The following UTRN variants were observed in gnomAD, a reference collection of about 807,000 sequenced individuals.
UTRN encodes dystrophin-related protein 1.
In UTRN, 283 loss-of-function variants were observed where a neutral mutation model predicts 463.9. The ratio of observed to expected loss-of-function variants is 0.61; its 90% CI spans 0.55 to 0.67. The LOEUF (loss-of-function observed/expected upper bound fraction) is 0.67. Ranked by LOEUF, UTRN falls within the 30% of genes least tolerant of loss-of-function variation. The pLI, the probability that UTRN is intolerant of heterozygous loss-of-function variation, is 0.00. For missense variants in UTRN, 3,922 were observed against 4,084.3 expected (o/e 0.96, Z 1.08); for synonymous variants, 1,442 against 1,431.5 (o/e 1.01, Z -0.17).
At chr6:144,311,843 A>G (rs992471585) in intron 2 of UTRN, 8 of 152,222 alleles carry the variant, frequency 5.3e-5, no homozygotes, top group African/African-American at 1.9e-4. Context: ...AAGCATTTTT[A>G]TCTCTAAAAT....
At chr6:144,830,221 G>A (rs1176640077) in intron 69 of UTRN, among the ~76,000 whole-genome samples, 2 of 152,036 alleles carry the variant, frequency 1.3e-5, no homozygotes, top group African/African-American at 2.4e-5. Context: ...TTCAGATTTA[G>A]CACTGTTTCA....
chr6:144,422,097 C>A, intron 4 of UTRN, 127 bp downstream of exon 4: 2 of 708,770 alleles, frequency 2.8e-6, no homozygotes, highest in Non-Finnish European at 2.1e-6. Flanking sequence ...GGCTGAAATT[C>A]GGAACATTTT....
intron 65 of UTRN, among the ~76,000 whole-genome samples, chr6:144,809,721 A>G (rs1012527024): frequency 2.0e-5 from 3 of 152,156 alleles, no homozygotes; most frequent in African/African-American, 7.2e-5. Flanking sequence ...CTGCATTTCT[A>G]GAAGTGAAGT....
intron 56 of UTRN, among the ~76,000 whole-genome samples, 186 bp from the exon 57 acceptor site, chr6:144,754,534 T>C (rs1006917613): frequency 6.7e-6 from 1 of 148,540 alleles, no homozygotes; most frequent in African/African-American, 2.4e-5. Context: ...AAGGAGTCTT[T>C]TTTTTTTTTT....
intron 39 of UTRN, among the ~76,000 whole-genome samples, chr6:144,519,086 A>G (rs907338019): frequency 3.3e-5 from 5 of 152,318 alleles, no homozygotes; most frequent in East Asian, 3.9e-4. Flanking sequence ...CCTGAAATAT[A>G]TGTTAAGTGA....
intron 2 of UTRN, among the ~76,000 whole-genome samples, chr6:144,306,908 A>G (rs967618884): frequency 1.3e-5 from 2 of 151,774 alleles, no homozygotes; most frequent in Non-Finnish European, 2.9e-5. Context: ...ATACAAAAAA[A>G]AAAAAAATTA....
rs1478750907 is a variant in UTRN at position 144,448,516 on chromosome 6, T to C, written c.1903-84T>C. The C allele has an allele frequency of 2.2e-5, 33 of 1,475,320 alleles. No homozygotes were observed. In the Admixed American group the frequency reaches 6.7e-4, roughly 30 times the overall value. 91.4% of individuals were successfully genotyped at this position (1,475,320 alleles called of 1,614,324 possible). A position where few individuals can be genotyped will look rare whatever the true frequency, so the allele number is the denominator to read the frequency against. On this transcript the variant is annotated intron_variant, in intron 16 of 74. Coordinates refer to ENST00000367545, the MANE Select transcript of UTRN (RefSeq NM_007124.3). Reference sequence around the variant, plus strand: ...GCTAATAACCATTAAATTGTGTATTTCAAAGAAAGAATTTTATAGCATGTG... The same window carrying C: ...GCTAATAACCATTAAATTGTGTATTCCAAAGAAAGAATTTTATAGCATGTG...
At chr6:144,458,077 A>G (rs1322100809) in intron 19 of UTRN, among the ~76,000 whole-genome samples, 2 of 152,196 alleles carry the variant, frequency 1.3e-5, no homozygotes, top group Non-Finnish European at 2.9e-5. Flanking sequence ...AAAATATCGG[A>G]CAAATAAAAT....
intron 58 of UTRN, among the ~76,000 whole-genome samples, chr6:144,770,019 G>A (rs75520160): frequency 0.022 from 3,381 of 152,276 alleles, 125 homozygotes; most frequent in African/African-American, 0.077. Context: ...GCAATTTGTA[G>A]TATCACTACC....
intron 51 of UTRN, among the ~76,000 whole-genome samples, chr6:144,671,098 G>A (rs1780970109): frequency 6.6e-6 from 1 of 150,538 alleles, no homozygotes; most frequent in Admixed American, 6.6e-5. Flanking sequence ...CTTTTGTTTA[G>A]TCTTGCTTTG....
At chr6:144,408,955 G>A (rs1049593334) in intron 3 of UTRN, among the ~76,000 whole-genome samples, 3 of 152,320 alleles carry the variant, frequency 2.0e-5, no homozygotes, top group South Asian at 4.1e-4. Context: ...AGCTTGAAGA[G>A]TTACACATTG....
intron 54 of UTRN, among the ~76,000 whole-genome samples, chr6:144,743,940 AAAT>A (rs1173369267): frequency 6.6e-6 from 1 of 151,078 alleles, no homozygotes; most frequent in Non-Finnish European, 1.5e-5. Flanking sequence ...TATGAATATA[AAAT>A]AATATTCATA....
chr6:144,635,425 A>G (rs1225347529), intron 51 of UTRN, among the ~76,000 whole-genome samples: 2 of 151,550 alleles, frequency 1.3e-5, no homozygotes, highest in East Asian at 3.9e-4. Flanking sequence ...TGCTAGAATT[A>G]AGGGCGTGAG....
At chr6:144,628,079 G>A (rs944011311) in intron 51 of UTRN, among the ~76,000 whole-genome samples, 3 of 152,146 alleles carry the variant, frequency 2.0e-5, no homozygotes, top group African/African-American at 4.8e-5. Context: ...GATTACAGGC[G>A]TGAGTCACCT....
chr6:144,704,196 A>T (rs565990801), intron 53 of UTRN, among the ~76,000 whole-genome samples: 1 of 152,228 alleles, frequency 6.6e-6, no homozygotes, highest in East Asian at 1.9e-4. Flanking sequence ...TTTTGTTTTT[A>T]CTTGAGTCTG....
chr6:144,629,429 A>G lies in UTRN; in HGVS notation c.7480-48977A>G, dbSNP rs568525313. On this transcript the variant is annotated intron_variant, in intron 51 of 74. Transcript: ENST00000367545. ...ATACATACAGGAAAGTATGTAAAAC[A>G]TACATGGACAGCATGAAGAATCATA... Among the ~76,000 whole-genome samples, 6 of 152,344 alleles carry G rather than the reference A, an allele frequency of 3.9e-5. No homozygotes were observed. The East Asian group carries it at 1.2e-3, about 29-fold the overall frequency.
chr6:144,758,940 G>A (rs1792323933), intron 58 of UTRN, among the ~76,000 whole-genome samples: 1 of 151,928 alleles, frequency 6.6e-6, no homozygotes, highest in African/African-American at 2.4e-5. Context: ...TTCTAACATG[G>A]GGTGTGGTAT....
At position 144,459,303 on chromosome 6, in the gene UTRN, T is replaced by C. The variant is rs953675227; in HGVS notation, c.2656T>C (p.Tyr886His). The C allele has an allele frequency of 1.2e-6, 2 of 1,614,016 alleles. No individual in the cohort carries two copies. The highest frequency in any genetic ancestry group is 2.2e-5 in the East Asian group (1 of 44,874). The part of the protein sequence containing the change: ...QRGFDSFLGR[Y>H]QAVQEAVEDR... ...GGGCTTCGATAGCTTTCTGGGCCGC[T>C]ACCAAGCTGTACAAGAGGCTGTAGA... Residue 886 changes from tyrosine to histidine, a missense_variant, in exon 21 of 75, where the codon TAC becomes CAC. Physicochemically the swap from Tyr to His is moderately conservative, Grantham distance 83 (BLOSUM62 2). Coordinates refer to ENST00000367545, the MANE Select transcript of UTRN (RefSeq NM_007124.3).
chr6:144,547,226 A>G (rs1257727418), intron 46 of UTRN, among the ~76,000 whole-genome samples: 2 of 151,864 alleles, frequency 1.3e-5, no homozygotes, highest in East Asian at 3.9e-4. Context: ...TCTTTTGTGG[A>G]TTGTCTTTAG....
Sources: gnomAD v4.1 joint callset for allele counts (sites outside exome capture counted in the v4.1 genomes callset) on GRCh38, gnomAD v4.1.1 for gene constraint, MANE v1.5 for transcripts, NCBI Gene and HGNC (gene_info 2026-07-23, HGNC 2026-07-21) for gene names.